The following MACF1 variants were observed in gnomAD, a reference collection of about 807,000 sequenced individuals.
MACF1 encodes microtubule actin crosslinking factor 1.
A neutral mutation model predicts 854.8 loss-of-function variants in MACF1; 193 were observed. The observed-to-expected ratio is 0.23, with a 90% CI of 0.20 to 0.25. The LOEUF is 0.25. MACF1 is among the 10% of genes least tolerant of loss of function. MACF1 has a pLI of 1.00. For synonymous variants in MACF1, 3,185 were observed against 3,226.7 expected (o/e 0.99, Z 0.44); for missense variants, 7,722 against 8,929.1 (o/e 0.86, Z 5.45).
At chr1:39,313,383 A>C (rs1278753060) in intron 26 of MACF1, among the ~76,000 whole-genome samples, 2 of 152,202 alleles carry the variant, frequency 1.3e-5, no homozygotes, top group Non-Finnish European at 2.9e-5. Context: ...AACTAGTTTT[A>C]GCATCCATTG....
intron 58 of MACF1, among the ~76,000 whole-genome samples, chr1:39,396,122 C>T (rs983892045): frequency 3.3e-5 from 5 of 152,136 alleles, no homozygotes; most frequent in Non-Finnish European, 5.9e-5. Context: ...AGGTGGATCA[C>T]GCTGTCAGGA....
intron 97 of MACF1, among the ~76,000 whole-genome samples, chr1:39,474,182 T>A (rs1644830683): frequency 6.6e-6 from 1 of 151,104 alleles, no homozygotes; most frequent in African/African-American, 2.4e-5. Context: ...AGGTCAGGAG[T>A]TCAAGACCAG....
Position 39,105,705 on chromosome 1 carries a change from G to C in MACF1, c.220+21267G>C, listed in dbSNP as rs1426064582. On this transcript the variant is annotated intron_variant, in intron 2 of 93. Transcript: ENST00000361689. The surrounding 1 kb of genome is among the most constrained non-coding windows in gnomAD (Gnocchi z 5.9). ...CGTGCAGGCGTACGAGGATGTGCTG[G>C]AGCGGTACAAAGGTAGGGCCGGGGA... 1.6e-6 allele frequency: 2 copies of C among 1,226,842 alleles called. No individual in the cohort carries two copies. The highest frequency in any genetic ancestry group is 2.1e-6 in the Non-Finnish European group (2 of 956,954). 76.0% of individuals were successfully genotyped at this position (1,226,842 alleles called of 1,614,324 possible). A position where few individuals can be genotyped will look rare whatever the true frequency, so the allele number is the denominator to read the frequency against.
intron 89 of MACF1, 86 bp downstream of exon 89, chr1:39,455,183 A>G: frequency 7.6e-7 from 1 of 1,318,148 alleles, no homozygotes; most frequent in Non-Finnish European, 1.1e-6. Flanking sequence ...ATGTTTTTAA[A>G]TGGCTGCTTA....
At chr1:39,458,240 C>T (rs1197324322) in intron 89 of MACF1, 130 bp from the exon 90 acceptor site, 2 of 776,088 alleles carry the variant, frequency 2.6e-6, no homozygotes, top group Non-Finnish European at 4.1e-6. Context: ...TAACTCAACT[C>T]AGGCACCAGC....
chr1:39,363,911 C>G (rs918994887), intron 49 of MACF1, among the ~76,000 whole-genome samples: 3 of 152,150 alleles, frequency 2.0e-5, no homozygotes, highest in Non-Finnish European at 2.9e-5. Context: ...CACACCTGGC[C>G]AACAAGACTC....
rs748605200 is a variant in MACF1, at chr1:39,388,190, C to G, written c.15348C>G (p.Asn5116Lys). The G allele has an allele frequency of 1.2e-6, 2 of 1,614,148 alleles. No individual in the cohort carries two copies. Among genetic ancestry groups the G allele is most frequent in the South Asian group, 1.1e-5 (1 of 91,078 alleles). The stretch of plus-strand genomic sequence containing the variant: ...ACAGTGGTTGTGTGATGATGGAAAA[C>G]AAGCTGGAGGGGATTGGCCAGTTTC... ...RVNSGCVMME[N>K]KLEGIGQFHC... Residue 5116 changes from asparagine (N) to lysine (K), a missense_variant, in exon 58 of 101, where the codon AAC becomes AAG. This residue lies in a region of MACF1 where 2,807 missense variants were observed against 3,235.8 expected (regional missense o/e 0.87). Coordinates refer to ENST00000564288, the MANE Select transcript of MACF1 (RefSeq NM_001394062.1).
intron 44 of MACF1, among the ~76,000 whole-genome samples, chr1:39,353,861 C>T (rs1360578486): frequency 1.3e-5 from 2 of 152,050 alleles, no homozygotes; most frequent in Non-Finnish European, 2.9e-5. Context: ...GTCAGCTATA[C>T]TTCTTCATCT....
chr1:39,474,591 G>C (rs1055529637), intron 97 of MACF1, among the ~76,000 whole-genome samples: 1 of 152,146 alleles, frequency 6.6e-6, no homozygotes, highest in Non-Finnish European at 1.5e-5. Context: ...CTACTCGAGA[G>C]ACTGAGGCAG....
chr1:39,173,926 TCTC>T (rs1643988703), intron 2 of MACF1, among the ~76,000 whole-genome samples: 1 of 152,068 alleles, frequency 6.6e-6, no homozygotes, highest in Admixed American at 6.5e-5. Flanking sequence ...CTTTTCTCTC[TCTC>T]TTTTTTTTTT....
intron 95 of MACF1, 34 bp downstream of exon 95, chr1:39,465,146 T>C: frequency 6.2e-7 from 1 of 1,603,600 alleles, no homozygotes; most frequent in Non-Finnish European, 8.5e-7. Context: ...TCCTTCTCAA[T>C]GGATATGGTC....
chr1:39,286,772 CT>C (rs1413690046), intron 14 of MACF1, among the ~76,000 whole-genome samples: 1 of 152,070 alleles, frequency 6.6e-6, no homozygotes, highest in East Asian at 1.9e-4. Context: ...CTCTTGACCC[CT>C]AATCCATTGT....
intron 89 of MACF1, among the ~76,000 whole-genome samples, chr1:39,455,750 G>A (rs193046307): frequency 2.3e-4 from 35 of 152,240 alleles, no homozygotes; most frequent in Non-Finnish European, 2.1e-4. Flanking sequence ...AAGCTCTCTC[G>A]CATGAACCCA....
chr1:39,178,181 C>CTTTTTTT (rs67390335), intron 2 of MACF1, among the ~76,000 whole-genome samples: 4 of 137,622 alleles, frequency 2.9e-5, no homozygotes, highest in African/African-American at 1.1e-4. Flanking sequence ...TTTCAACATT[C>CTTTTTTT]TTTTTTTTTT....
intron 61 of MACF1, among the ~76,000 whole-genome samples, chr1:39,424,638 G>T (rs555515804): frequency 6.6e-6 from 1 of 152,194 alleles, no homozygotes; most frequent in South Asian, 2.1e-4. Context: ...GCTAGTCTGT[G>T]GTTCTGTTAA....
intron 2 of MACF1, among the ~76,000 whole-genome samples, chr1:39,234,789 C>T (rs1255754441): frequency 5.0e-5 from 5 of 99,402 alleles, no homozygotes; most frequent in East Asian, 6.8e-4. Flanking sequence ...ACTTCTCAGA[C>T]GGGGCGGCCG....
intron 88 of MACF1, among the ~76,000 whole-genome samples, chr1:39,454,626 C>T (rs1350035392): frequency 6.6e-6 from 1 of 151,970 alleles, no homozygotes; most frequent in Non-Finnish European, 1.5e-5. Context: ...CATGGTGAAA[C>T]CCATCTCTAC....
At chr1:39,431,801 C>CA (rs11400296) in intron 66 of MACF1, among the ~76,000 whole-genome samples, 152,260 of 152,270 alleles carry the variant, frequency 1, 76,125 homozygotes, top group Middle Eastern at 1. Flanking sequence ...TAACAAGACA[C>CA]ATCTCTACAG....
Position 39,332,483 on chromosome 1 carries a change from C to G in MACF1, c.5895C>G (p.Phe1965Leu). The G allele has an allele frequency of 1.2e-6, 2 of 1,613,998 alleles. No individual in the cohort carries two copies. Among genetic ancestry groups the G allele is most frequent in the South Asian group, 1.1e-5 (1 of 91,072 alleles). Residue 1965 changes from phenylalanine (F) to leucine (L), a missense_variant, in exon 37 of 101, where the codon TTC (phenylalanine) becomes TTG (leucine). This residue lies in a region of MACF1 where 1,531 missense variants were observed against 1,601.6 expected (regional missense o/e 0.96). Coordinates refer to ENST00000564288, the MANE Select transcript of MACF1 (RefSeq NM_001394062.1). ...CAAGCCAGAGTGAGAATCTGTTGTT[C>G]CAGCTGATGACTCACAGCTATATTA... is the stretch of plus-strand genomic sequence containing the variant. Reference protein sequence around the residue: ...ATASQSENLLFQLMTHSYINV... With the variant: ...ATASQSENLLLQLMTHSYINV...
Sources: allele counts gnomAD v4.1 joint callset (sites outside exome capture counted in the v4.1 genomes callset), GRCh38; gene constraint gnomAD v4.1.1; regional missense constraint gnomAD v4.1.1; non-coding constraint Gnocchi (gnomAD v3.1); transcripts MANE v1.5; gene names NCBI Gene and HGNC (gene_info 2026-07-23, HGNC 2026-07-21).